R3HDM1: variants seen among roughly 807,000 people sequenced by gnomAD.
R3HDM1 encodes R3H domain-containing protein 1.
R3HDM1 carries 46 observed loss-of-function variants against 141.1 expected under a neutral mutation model. The ratio of observed to expected loss-of-function variants is 0.33; its 90% CI spans 0.26 to 0.42. R3HDM1 has a LOEUF of 0.42. Among genes scored for constraint, R3HDM1 ranks in the 10% least tolerant of loss-of-function variants. The pLI, the probability that R3HDM1 is intolerant of heterozygous loss-of-function variation, is 1.00. For synonymous variants in R3HDM1, 435 were observed against 472.9 expected (o/e 0.92, Z 1.04); for missense variants, 1,184 against 1,368.3 (o/e 0.87, Z 2.12).
intron 1 of R3HDM1, chr2:135,583,761 G>C (rs1395897801): frequency 1.0e-6 from 1 of 985,264 alleles, no homozygotes; most frequent in Non-Finnish European, 1.2e-6. Flanking sequence ...TAAAGGTTGA[G>C]ATCTTTAAAA....
chr2:135,581,320 T>G, intron 1 of R3HDM1: 1 of 985,396 alleles, frequency 1.0e-6, no homozygotes, highest in Middle Eastern at 5.2e-4. Flanking sequence ...CGTCCTTCCT[T>G]ATACTCATAA....
chr2:135,556,345 A>G (rs1700759940), intron 1 of R3HDM1, among the ~76,000 whole-genome samples: 1 of 152,182 alleles, frequency 6.6e-6, no homozygotes, highest in Non-Finnish European at 1.5e-5. Context: ...AATGGCTTTT[A>G]TACCATTCGG....
intron 16 of R3HDM1, among the ~76,000 whole-genome samples, chr2:135,646,867 A>G (rs888070696): frequency 3.5e-5 from 5 of 141,586 alleles, no homozygotes; most frequent in African/African-American, 1.4e-4. Flanking sequence ...TTAAATAAAT[A>G]AGTGAGTATC....
chr2:135,542,603 A>C (rs1389001388), intron 1 of R3HDM1, among the ~76,000 whole-genome samples: 1 of 152,232 alleles, frequency 6.6e-6, no homozygotes, highest in Non-Finnish European at 1.5e-5. Context: ...ATTCAACCAG[A>C]TATTTATATT....
chr2:135,674,261 C>A (rs2068810438), intron 19 of R3HDM1, among the ~76,000 whole-genome samples: 1 of 152,122 alleles, frequency 6.6e-6, no homozygotes, highest in Non-Finnish European at 1.5e-5. Context: ...ATGTCTGTTG[C>A]TTTAGGAATT....
At chr2:135,686,528 G>A (rs547711805) in intron 21 of R3HDM1, among the ~76,000 whole-genome samples, 10 of 152,282 alleles carry the variant, frequency 6.6e-5, no homozygotes, top group Non-Finnish European at 5.9e-5. Context: ...TCGAGCCCAG[G>A]AGTTTGAGAC....
At chr2:135,645,658 C>T (rs1288125860) in intron 16 of R3HDM1, 131 bp downstream of exon 16, 1 of 1,070,428 alleles carries the variant, frequency 9.3e-7, no homozygotes, top group Non-Finnish European at 1.3e-6. Context: ...AGTGATATTC[C>T]ACTCACTACT....
chr2:135,545,757 C>T (rs919871409), intron 1 of R3HDM1, among the ~76,000 whole-genome samples: 10 of 152,186 alleles, frequency 6.6e-5, no homozygotes, highest in African/African-American at 2.2e-4. Flanking sequence ...TTTGGGGGGA[C>T]ACTTGTGACG....
intron 1 of R3HDM1, among the ~76,000 whole-genome samples, chr2:135,550,764 T>C (rs1445526516): frequency 6.6e-6 from 1 of 152,222 alleles, no homozygotes; most frequent in East Asian, 1.9e-4. Context: ...CCTCCTCTTA[T>C]AAAAGTTCAA....
At chr2:135,672,936 A>G (rs535544149) in intron 19 of R3HDM1, among the ~76,000 whole-genome samples, 2 of 152,180 alleles carry the variant, frequency 1.3e-5, no homozygotes, top group East Asian at 3.9e-4. Flanking sequence ...TGAAACCCCC[A>G]TCTCTACTAA....
intron 1 of R3HDM1, among the ~76,000 whole-genome samples, chr2:135,560,006 A>G (rs1205545206): frequency 1.3e-5 from 2 of 152,244 alleles, no homozygotes; most frequent in South Asian, 2.1e-4. Context: ...TACTAAATCA[A>G]TTCAGTGAGA....
intron 20 of R3HDM1, among the ~76,000 whole-genome samples, chr2:135,679,452 G>A (rs2069838567): frequency 6.6e-6 from 1 of 152,106 alleles, no homozygotes; most frequent in African/African-American, 2.4e-5. Context: ...ATATCACTTA[G>A]ATAGATGGCT....
chr2:135,607,875 C>A, intron 3 of R3HDM1: 1 of 983,362 alleles, frequency 1.0e-6, no homozygotes, highest in Non-Finnish European at 1.2e-6. Flanking sequence ...CCATAGTAAA[C>A]AAACATGGGT....
chr2:135,721,108 A>G (rs967630011), intron 24 of R3HDM1, among the ~76,000 whole-genome samples: 14 of 152,098 alleles, frequency 9.2e-5, no homozygotes, highest in African/African-American at 3.1e-4. Flanking sequence ...CCTCCTTCCT[A>G]ACCACTGTTA....
intron 19 of R3HDM1, among the ~76,000 whole-genome samples, chr2:135,668,336 G>A (rs2067831311): frequency 6.6e-6 from 1 of 152,140 alleles, no homozygotes; most frequent in African/African-American, 2.4e-5. Context: ...AATCTTTAAT[G>A]TTCTGCTCTT....
chr2:135,631,569 T>G (rs1352626104), intron 7 of R3HDM1, 149 bp from the exon 8 acceptor site: 5 of 538,062 alleles, frequency 9.3e-6, no homozygotes, highest in East Asian at 3.5e-5. Context: ...TTTAAAACAT[T>G]AATAAATATT....
At chr2:135,661,247 T>C (rs779399782) in intron 18 of R3HDM1, 23 bp from the exon 19 acceptor site, 6 of 1,613,032 alleles carry the variant, frequency 3.7e-6, no homozygotes, top group Non-Finnish European at 5.1e-6. Flanking sequence ...ATTGATTTTT[T>C]CCCGCAATAT....
intron 1 of R3HDM1, among the ~76,000 whole-genome samples, chr2:135,582,836 C>T (rs1209215434): frequency 6.6e-6 from 1 of 152,020 alleles, no homozygotes; most frequent in African/African-American, 2.4e-5. Flanking sequence ...ATAATCCTAA[C>T]CAGTTTTTAA....
chr2:135,598,845 C>A (rs1460784516), intron 1 of R3HDM1, among the ~76,000 whole-genome samples: 2 of 152,004 alleles, frequency 1.3e-5, no homozygotes, highest in African/African-American at 2.4e-5. Context: ...CTTTTCTTTC[C>A]TTTGATTTAT....
Sources: gnomAD v4.1 joint callset for allele counts (sites outside exome capture counted in the v4.1 genomes callset) on GRCh38, gnomAD v4.1.1 for gene constraint, MANE v1.5 for transcripts, NCBI Gene and HGNC (gene_info 2026-07-23, HGNC 2026-07-21) for gene names.